The following EEF2KMT variants were observed in gnomAD, a reference collection of about 807,000 sequenced individuals.
EEF2KMT encodes the protein protein-lysine N-methyltransferase EEF2KMT.
Under a neutral mutation model 35.1 loss-of-function variants are expected in EEF2KMT, and 30 were observed. The ratio of observed to expected loss-of-function variants is 0.85; its 90% CI spans 0.64 to 1.16. The LOEUF (loss-of-function observed/expected upper bound fraction) is 1.16. Among genes scored for constraint, EEF2KMT ranks in the 50% most tolerant of loss-of-function variants. EEF2KMT has a pLI of 0.00. For missense variants in EEF2KMT, 499 were observed against 438.2 expected, an observed-to-expected ratio of 1.14 and a Z score of -1.24; for synonymous variants, 190 against 187.7, an observed-to-expected ratio of 1.01 and a Z score of -0.10.
At chr16:5,097,414 C>T in intron 1 of EEF2KMT, 1 of 1,456,218 alleles carries the variant, frequency 6.9e-7, no homozygotes, top group Non-Finnish European at 9.1e-7. Flanking sequence ...CGTCTGCCCC[C>T]CAAGGCTGTG....
At position 5,090,282 on chromosome 16, in the gene EEF2KMT, G is replaced by A. The variant is rs753290253; in HGVS notation, c.544C>T (p.Arg182Trp). ...GLAICKMCRP[R>W]AYIFSDCHSR... ...TGACAGTCGCTGAAGATGTATGCCCGGGGGCGGCACATCTTGCAGATGGCC... is the reference window on the plus strand; with the variant it reads ...TGACAGTCGCTGAAGATGTATGCCCAGGGGCGGCACATCTTGCAGATGGCC... Residue 182 changes from arginine (R) to tryptophan (W), a missense_variant, in exon 6 of 8, where the codon CGG (arginine) becomes TGG (tryptophan). Physicochemically the swap from Arg to Trp is moderately radical, Grantham distance 101 (BLOSUM62 -3). Transcript: ENST00000427587. The surrounding 1 kb of genome is among the most constrained non-coding windows in gnomAD (Gnocchi z 4.1). 1.5e-5 allele frequency: 24 copies of A among 1,611,940 alleles called. No homozygotes were observed. The highest frequency in any genetic ancestry group is 1.8e-5 in the Non-Finnish European group (21 of 1,179,862).
intron 7 of EEF2KMT, among the ~76,000 whole-genome samples, chr16:5,088,371 G>A (rs911320656): frequency 6.6e-6 from 1 of 152,196 alleles, no homozygotes; most frequent in Non-Finnish European, 1.5e-5. Context: ...CTGTGTCTCT[G>A]TGTGCAGGCA....
At position 5,084,792 on chromosome 16, in the gene EEF2KMT, C is replaced by T. The variant is rs1261895166; in HGVS notation, c.*840G>A. ...TCCTGATCCTGCGGGCAAGCTAAAC[C>T]AGTTCCGGAAGAACCTGCGGGAGTC... On this transcript the variant is annotated 3_prime_UTR_variant, in exon 8 of 8. Transcript: ENST00000427587. 1.9e-6 allele frequency: 3 copies of T among 1,596,438 alleles called. No individual in the cohort carries two copies.
rs767269843 is a variant in EEF2KMT at position 5,085,744 on chromosome 16, GC to G, written c.893-13del. On this transcript the variant is annotated splice_polypyrimidine_tract_variant and intron_variant, in intron 7 of 7. Transcript: ENST00000427587. The stretch of plus-strand genomic sequence containing the variant: ...GATCCCGGCCCGGCCTGGAAACAGA[GC>G]ACATGTGTTTGAGGATGGCGGTGTT... The G allele has an allele frequency of 1.2e-5, 19 of 1,598,054 alleles. No homozygotes were observed. The highest frequency in any genetic ancestry group is 1.5e-5 in the Non-Finnish European group (18 of 1,167,372).
In EEF2KMT at chr16:5,085,344, G is replaced by C. The variant is rs1409060869; in HGVS notation, c.*288C>G. The C allele has an allele frequency of 5.9e-6, 3 of 506,558 alleles. No homozygotes were observed. The highest frequency in any genetic ancestry group is 5.8e-5 in the African/African-American group (3 of 51,674). 31.4% of individuals were successfully genotyped at this position (506,558 alleles called of 1,614,324 possible). On this transcript the variant is annotated 3_prime_UTR_variant, in exon 8 of 8. Transcript: ENST00000427587. ...TCCACGTTGGGGGAACATCATACTT[G>C]ATACACACGTTTTTATTTGCACAAA...
In EEF2KMT at chr16:5,084,992, G is replaced by A. The variant is rs1957104406; in HGVS notation, c.*640C>T. The A allele has an allele frequency of 1.9e-6, 3 of 1,570,274 alleles. No homozygotes were observed. The South Asian group carries it at 3.3e-5, about 17-fold the overall frequency. On this transcript the variant is annotated 3_prime_UTR_variant, in exon 8 of 8. Transcript: ENST00000427587. ...CAGCACCTCCCAGTGGCCAGAAGCTGAAATGACAGCAGTGGTACTGCCTGG... is the reference window on the plus strand; with the variant it reads ...CAGCACCTCCCAGTGGCCAGAAGCTAAAATGACAGCAGTGGTACTGCCTGG...
intron 3 of EEF2KMT, among the ~76,000 whole-genome samples, chr16:5,093,141 C>T (rs1957376605): frequency 6.6e-6 from 1 of 152,220 alleles, no homozygotes; most frequent in Non-Finnish European, 1.5e-5. Flanking sequence ...CAGGAAACTC[C>T]AAACCCTTCA....
chr16:5,093,981 G>A (rs1256519816), intron 2 of EEF2KMT, among the ~76,000 whole-genome samples: 6 of 152,202 alleles, frequency 3.9e-5, no homozygotes, highest in Admixed American at 6.5e-5. Context: ...GGGACGGGAC[G>A]CTCCGGGTGA....
chr16:5,092,102 G>A (rs1387588157), intron 3 of EEF2KMT, among the ~76,000 whole-genome samples: 2 of 152,082 alleles, frequency 1.3e-5, no homozygotes, highest in Admixed American at 6.5e-5. Flanking sequence ...AGGACTGCTT[G>A]AGCCCAGGAG....
chr16:5,085,811 C>G, intron 7 of EEF2KMT, 79 bp from the exon 8 acceptor site: 8 of 1,156,446 alleles, frequency 6.9e-6, no homozygotes, highest in Non-Finnish European at 9.1e-6. Context: ...GCTGCTAGGA[C>G]AGGCCTGGCG....
chr16:5,096,370 CATG>C (rs1957465122), intron 1 of EEF2KMT, among the ~76,000 whole-genome samples: 1 of 152,196 alleles, frequency 6.6e-6, no homozygotes, highest in Non-Finnish European at 1.5e-5. Flanking sequence ...CTGGCTCTCC[CATG>C]CAAGCAGAGC....
intron 1 of EEF2KMT, chr16:5,097,266 G>A: frequency 1.5e-6 from 2 of 1,315,424 alleles, no homozygotes; most frequent in Non-Finnish European, 2.0e-6. Context: ...CCGCGCTCAG[G>A]AGGACGTGGT....
intron 7 of EEF2KMT, 124 bp from the exon 8 acceptor site, chr16:5,085,856 C>T: frequency 1.3e-6 from 1 of 783,116 alleles, no homozygotes; most frequent in East Asian, 2.6e-5. Flanking sequence ...TTACTTGGTT[C>T]ACAGGTTCCC....
chr16:5,096,731 G>A (rs1957475882), intron 1 of EEF2KMT, among the ~76,000 whole-genome samples: 1 of 152,224 alleles, frequency 6.6e-6, no homozygotes, highest in Non-Finnish European at 1.5e-5. Context: ...TCAAATGTGA[G>A]TGGTAATAAT....
chr16:5,096,561 T>C (rs1426942807), intron 1 of EEF2KMT, among the ~76,000 whole-genome samples: 3 of 152,198 alleles, frequency 2.0e-5, no homozygotes, highest in Admixed American at 6.6e-5. Flanking sequence ...GTAGGTATCA[T>C]TATATCCCCC....
intron 3 of EEF2KMT, among the ~76,000 whole-genome samples, chr16:5,093,024 C>T (rs1404626886): frequency 1.3e-5 from 2 of 152,142 alleles, no homozygotes; most frequent in Non-Finnish European, 2.9e-5. Context: ...GAGCTCATTC[C>T]AGCAGGATTA....
At chr16:5,097,457 G>T (rs1191982672) in intron 1 of EEF2KMT, 187 bp downstream of exon 1, 1 of 1,415,922 alleles carries the variant, frequency 7.1e-7, no homozygotes, top group African/African-American at 1.4e-5. Context: ...CCAGCTCGCG[G>T]GGCAGGAGGG....
chr16:5,089,430 C>G, intron 6 of EEF2KMT, 174 bp from the exon 7 acceptor site: 1 of 882,726 alleles, frequency 1.1e-6, no homozygotes, highest in Non-Finnish European at 1.7e-6. Flanking sequence ...AAGGAGAACC[C>G]TTAGTAGAGA....
At chr16:5,097,301 CTT>C in intron 1 of EEF2KMT, 1 of 1,351,618 alleles carries the variant, frequency 7.4e-7, no homozygotes, top group Non-Finnish European at 9.7e-7. Flanking sequence ...ACGGCGCTGA[CTT>C]TTTAGAATGG....
Sources: allele counts gnomAD v4.1 joint callset (sites outside exome capture counted in the v4.1 genomes callset), GRCh38; gene constraint gnomAD v4.1.1; non-coding constraint Gnocchi (gnomAD v3.1); transcripts MANE v1.5; gene names NCBI Gene and HGNC (gene_info 2026-07-23, HGNC 2026-07-21).